The following GABRA3 variants were observed in gnomAD, a reference collection of about 807,000 sequenced individuals.
The protein encoded by GABRA3 is gamma-aminobutyric acid type A receptor subunit alpha3.
GABRA3 carries 10 observed loss-of-function variants against 30.1 expected under a neutral mutation model. That is an observed-to-expected ratio of 0.33 (90% confidence interval 0.20 to 0.56). The LOEUF (loss-of-function observed/expected upper bound fraction) is 0.56. Ranked by LOEUF, GABRA3 falls within the 20% of genes least tolerant of loss-of-function variation. The pLI is 0.89. For synonymous variants in GABRA3, 151 were observed against 146.8 expected, an observed-to-expected ratio of 1.03 and a Z score of -0.21; for missense variants, 233 against 392.0, an observed-to-expected ratio of 0.59 and a Z score of 3.42.
intron 2 of GABRA3, among the ~76,000 whole-genome samples, chrX:152,363,594 C>T (rs1928572583): frequency 9.0e-6 from 1 of 111,427 alleles, no homozygotes; most frequent in Admixed American, 9.6e-5. Flanking sequence ...TTTACTTCTT[C>T]TCTTTCCCTA....
Position 152,255,840 on chromosome X carries a change from G to A in GABRA3, c.489C>T (p.Asn163=). 2 of 1,209,610 alleles carry A rather than the reference G, an allele frequency of 1.7e-6. No homozygotes were observed. Among genetic ancestry groups the A allele is most frequent in the Middle Eastern group, 2.3e-4 (1 of 4,348 alleles). The change falls in exon 5 of 10, where the codon AAC becomes AAT. Residue 163 remains asparagine, a synonymous_variant. Transcript: ENST00000370314. ...FHNGKKSVAH[N]MTTPNKLLRL... is the part of the protein sequence containing the mutation. ...TGAGCAGCTTGTTGGGCGTGGTCAT[G>A]TTATGAGCCACTGATTTCTTGCCAT...
chrX:152,183,768 C>G (rs1430579860), intron 9 of GABRA3, among the ~76,000 whole-genome samples: 1 of 111,424 alleles, frequency 9.0e-6, no homozygotes, highest in Non-Finnish European at 1.9e-5. Flanking sequence ...ATTTTTGTCT[C>G]AAGATATTTT....
intron 1 of GABRA3, among the ~76,000 whole-genome samples, chrX:152,441,842 G>C (rs1930939278): frequency 1.8e-5 from 2 of 111,767 alleles, no homozygotes; most frequent in Middle Eastern, 4.6e-3. Flanking sequence ...ATGGATTAAA[G>C]AACTAAGTGT....
chrX:152,356,405 C>A (rs1011821379), intron 2 of GABRA3, among the ~76,000 whole-genome samples: 1 of 110,977 alleles, frequency 9.0e-6, no homozygotes, highest in East Asian at 2.8e-4. Flanking sequence ...GGATTTTTTT[C>A]AATACACAAA....
At chrX:152,430,672 C>T (rs1930629571) in intron 1 of GABRA3, among the ~76,000 whole-genome samples, 1 of 111,219 alleles carries the variant, frequency 9.0e-6, no homozygotes. Flanking sequence ...GACAAGTTGC[C>T]ATAAAAAAAG....
intron 9 of GABRA3, among the ~76,000 whole-genome samples, chrX:152,182,728 T>TATATATATACA (rs1937194658): frequency 2.1e-4 from 1 of 4,829 alleles, no homozygotes. Context: ...ATAGGTATAG[T>TATATATATACA]GTATATATAC....
intron 1 of GABRA3, among the ~76,000 whole-genome samples, chrX:152,401,017 C>T (rs1929780595): frequency 9.0e-6 from 1 of 111,384 alleles, no homozygotes; most frequent in Non-Finnish European, 1.9e-5. Flanking sequence ...CCAGAGCCTC[C>T]AGAAAAATAA....
chrX:152,240,048 T>A (rs1569366683), intron 5 of GABRA3, among the ~76,000 whole-genome samples: 2 of 96,121 alleles, frequency 2.1e-5, no homozygotes. Flanking sequence ...TGATGTTAGC[T>A]GGTGATTTTG....
chrX:152,249,252 C>T (rs148981850), intron 5 of GABRA3, among the ~76,000 whole-genome samples: 1 of 110,962 alleles, frequency 9.0e-6, no homozygotes, highest in South Asian at 3.8e-4. Flanking sequence ...ACCTCCTGAA[C>T]TCCACACTTC....
chrX:152,274,405 A>T (rs757654527), intron 4 of GABRA3, among the ~76,000 whole-genome samples: 5 of 110,942 alleles, frequency 4.5e-5, no homozygotes, highest in Non-Finnish European at 9.4e-5. Context: ...GACAAAAAAA[A>T]ATGACCACGT....
intron 1 of GABRA3, among the ~76,000 whole-genome samples, 197 bp from the exon 2 acceptor site, chrX:152,364,793 C>A (rs149616109): frequency 5.9e-4 from 65 of 110,972 alleles, no homozygotes; most frequent in African/African-American, 2.0e-3. Context: ...CCAAAATCGC[C>A]CCCAATATAC....
At chrX:152,388,786 A>G (rs1405414649) in intron 1 of GABRA3, among the ~76,000 whole-genome samples, 1 of 112,314 alleles carries the variant, frequency 8.9e-6, no homozygotes, top group Non-Finnish European at 1.9e-5. Flanking sequence ...GCAAAAGATT[A>G]TACTAATACA....
chrX:152,330,996 C>T (rs1214691059), intron 3 of GABRA3, among the ~76,000 whole-genome samples: 4 of 110,792 alleles, frequency 3.6e-5, no homozygotes, highest in Admixed American at 1.9e-4. Flanking sequence ...CACTGGGTCA[C>T]TTGTTGATTT....
At chrX:152,241,126 GT>G (rs1219254316) in intron 5 of GABRA3, among the ~76,000 whole-genome samples, 1 of 104,510 alleles carries the variant, frequency 9.6e-6, no homozygotes, top group Non-Finnish European at 2.0e-5. Flanking sequence ...CATCTTTGTG[GT>G]TTTATCTACT....
chrX:152,190,229 C>T (rs1937305547), intron 8 of GABRA3, among the ~76,000 whole-genome samples: 1 of 109,953 alleles, frequency 9.1e-6, no homozygotes, highest in African/African-American at 3.3e-5. Flanking sequence ...GCAGGTAGTC[C>T]ATTTCATTGT....
At chrX:152,344,337 C>A in intron 3 of GABRA3, among the ~76,000 whole-genome samples, 1 of 111,714 alleles carries the variant, frequency 9.0e-6, no homozygotes, top group East Asian at 2.8e-4. Flanking sequence ...TATTAATGGA[C>A]TGTAATCCAC....
intron 9 of GABRA3, among the ~76,000 whole-genome samples, chrX:152,171,643 C>T (rs1212930515): frequency 9.0e-6 from 1 of 111,352 alleles, no homozygotes; most frequent in East Asian, 2.8e-4. Flanking sequence ...TGGATGTTTA[C>T]TGAATGAAAA....
intron 3 of GABRA3, among the ~76,000 whole-genome samples, chrX:152,303,705 A>G (rs939464858): frequency 1.8e-5 from 2 of 110,553 alleles, no homozygotes; most frequent in African/African-American, 6.6e-5. Context: ...GCAAACTAAC[A>G]CAGGAACAGA....
chrX:152,283,569 T>G (rs1292460190), intron 4 of GABRA3, among the ~76,000 whole-genome samples: 2 of 111,827 alleles, frequency 1.8e-5, no homozygotes, highest in African/African-American at 6.5e-5. Context: ...TCCAGCCTTT[T>G]CCCCTTTGTA....
Sources: allele counts gnomAD v4.1 joint callset (sites outside exome capture counted in the v4.1 genomes callset), GRCh38; gene constraint gnomAD v4.1.1; transcripts MANE v1.5; gene names NCBI Gene and HGNC (gene_info 2026-07-23, HGNC 2026-07-21).